The following CACNG3 variants were observed in gnomAD, a reference collection of about 807,000 sequenced individuals.
The protein encoded by CACNG3 is calcium voltage-gated channel auxiliary subunit gamma 3.
In CACNG3, 3 loss-of-function variants were observed where a neutral mutation model predicts 28.5. The observed-to-expected ratio is 0.11, with a 90% CI of 0.05 to 0.27. The LOEUF (loss-of-function observed/expected upper bound fraction) is 0.27, where lower values mean the gene tolerates loss of function less well. Ranked by LOEUF, CACNG3 falls within the 10% of genes least tolerant of loss-of-function variation. The pLI is 1.00. For synonymous variants in CACNG3, 174 were observed against 162.2 expected, an observed-to-expected ratio of 1.07 and a Z score of -0.55; for missense variants, 236 against 414.4, an observed-to-expected ratio of 0.57 and a Z score of 3.74.
At chr16:24,309,148 A>G (rs573338106) in intron 1 of CACNG3, among the ~76,000 whole-genome samples, 19 of 152,354 alleles carry the variant, frequency 1.2e-4, no homozygotes, top group South Asian at 8.3e-4. Context: ...TCCAATGCGC[A>G]CAAAGTTAAG....
intron 1 of CACNG3, among the ~76,000 whole-genome samples, chr16:24,312,165 G>T (rs1899272714): frequency 6.6e-6 from 1 of 152,160 alleles, no homozygotes; most frequent in African/African-American, 2.4e-5. Context: ...CGGTGGGGAA[G>T]CTGCAGGTCT....
chr16:24,321,963 T>C (rs1281860602), intron 1 of CACNG3, among the ~76,000 whole-genome samples: 1 of 152,210 alleles, frequency 6.6e-6, no homozygotes, highest in South Asian at 2.1e-4. Context: ...GTTTCAGACA[T>C]CCACTGGGGG....
intron 1 of CACNG3, among the ~76,000 whole-genome samples, chr16:24,282,357 C>A (rs990512654): frequency 2.0e-5 from 3 of 151,910 alleles, no homozygotes; most frequent in African/African-American, 7.3e-5. Flanking sequence ...TTATTGCGGG[C>A]TAATCCTCCA....
chr16:24,272,172 C>A (rs892148972), intron 1 of CACNG3, among the ~76,000 whole-genome samples: 2 of 149,866 alleles, frequency 1.3e-5, no homozygotes, highest in Non-Finnish European at 3.0e-5. Flanking sequence ...TATATTCTTT[C>A]GAGTGGTATA....
intron 1 of CACNG3, among the ~76,000 whole-genome samples, chr16:24,314,937 C>T (rs7190328): frequency 0.29 from 43,285 of 151,556 alleles, 6,586 homozygotes; most frequent in African/African-American, 0.4. Flanking sequence ...ATCCCTTGGG[C>T]CACTGCATAA....
At chr16:24,319,499 G>C (rs778159446) in intron 1 of CACNG3, among the ~76,000 whole-genome samples, 5 of 152,192 alleles carry the variant, frequency 3.3e-5, no homozygotes, top group Non-Finnish European at 5.9e-5. Flanking sequence ...TGTCTCCCAG[G>C]CTGGAGTGCA....
intron 1 of CACNG3, among the ~76,000 whole-genome samples, chr16:24,327,438 GTA>G (rs1217768689): frequency 2.4e-4 from 31 of 127,856 alleles, no homozygotes; most frequent in Non-Finnish European, 3.2e-4. Context: ...GTGTGTGTGT[GTA>G]TATATATATA....
chr16:24,273,186 C>T (rs147196065), intron 1 of CACNG3, among the ~76,000 whole-genome samples: 1,598 of 152,336 alleles, frequency 0.01, 14 homozygotes, highest in Non-Finnish European at 0.015. Context: ...AGAGATACTG[C>T]TGTCTCCCCA....
In CACNG3 at chr16:24,268,436, C is replaced by T. The variant is rs183674128; in HGVS notation, c.211+11471C>T. Among the ~76,000 whole-genome samples the T allele has an allele frequency of 4.3e-3, 652 of 152,316 alleles. 4 individuals are homozygous for T. The highest frequency in any genetic ancestry group is 6.5e-3 in the Non-Finnish European group (442 of 68,030). On this transcript the variant is annotated intron_variant, in intron 1 of 3. Coordinates refer to ENST00000005284, the MANE Select transcript of CACNG3 (RefSeq NM_006539.4). ...GGCTGGTGGGTTGGGTCTCCTCCAA[C>T]CTGCTCAATCCTGTGTCAAGGAGAG...
chr16:24,284,070 G>T (rs545217606), intron 1 of CACNG3, among the ~76,000 whole-genome samples: 1 of 152,064 alleles, frequency 6.6e-6, no homozygotes, highest in African/African-American at 2.4e-5. Context: ...AATGTCTTTC[G>T]TATTGGCCTT....
rs137878759 is a variant in CACNG3 at position 24,340,393 on chromosome 16, G to A, written c.212-6341G>A. Among the ~76,000 whole-genome samples the A allele has an allele frequency of 5.8e-3, 875 of 152,134 alleles. 3 individuals are homozygous for A. The highest frequency in any genetic ancestry group is 8.7e-3 in the Non-Finnish European group (593 of 67,998). Reference sequence around the variant, plus strand: ...AGACTGGGCAACAGAGCGAGACCCCGTCTCAAAATAAATAAATAAAATAAT... The same window carrying A: ...AGACTGGGCAACAGAGCGAGACCCCATCTCAAAATAAATAAATAAAATAAT... On this transcript the variant is annotated intron_variant, in intron 1 of 3. Coordinates refer to ENST00000005284, the MANE Select transcript of CACNG3 (RefSeq NM_006539.4).
In CACNG3 at chr16:24,354,964, G is replaced by A. The variant is rs1157555773; in HGVS notation, c.427G>A (p.Val143Ile). The change falls in exon 3 of 4, where the codon GTC (valine) becomes ATC (isoleucine). Residue 143 changes from valine to isoleucine, a missense_variant. This residue lies in a region of CACNG3 where 120 missense variants were observed against 263.4 expected (regional missense o/e 0.46). Coordinates refer to ENST00000005284, the MANE Select transcript of CACNG3 (RefSeq NM_006539.4). The part of the protein sequence containing the change: ...NVILSAGIFF[V>I]SAGLSNIIGI... ...CATTCTCAGCGCGGGCATCTTTTTT[G>A]TCTCTGCAGGTGAGTGTCTGGCCCC... 4 of 1,612,804 alleles carry A rather than the reference G, an allele frequency of 2.5e-6. No individual in the cohort carries two copies. The highest frequency in any genetic ancestry group is 3.4e-6 in the Non-Finnish European group (4 of 1,179,906).
chr16:24,310,689 C>T (rs1240427996), intron 1 of CACNG3, among the ~76,000 whole-genome samples: 1 of 152,072 alleles, frequency 6.6e-6, no homozygotes, highest in African/African-American at 2.4e-5. Context: ...TGTTGTTAAC[C>T]CCATTTTACA....
intron 1 of CACNG3, among the ~76,000 whole-genome samples, chr16:24,325,775 T>C (rs1395534784): frequency 2.6e-5 from 4 of 152,236 alleles, no homozygotes; most frequent in Non-Finnish European, 5.9e-5. Context: ...GAGGCAAAGC[T>C]GGGACTGGGA....
intron 1 of CACNG3, among the ~76,000 whole-genome samples, chr16:24,326,009 T>G (rs1307886080): frequency 6.6e-6 from 1 of 152,232 alleles, no homozygotes; most frequent in African/African-American, 2.4e-5. Flanking sequence ...AAGATTCAGA[T>G]GGTCAACACC....
intron 1 of CACNG3, among the ~76,000 whole-genome samples, chr16:24,299,985 A>T (rs546441801): frequency 6.6e-6 from 1 of 152,276 alleles, no homozygotes; most frequent in Non-Finnish European, 1.5e-5. Flanking sequence ...GTATTTTAAC[A>T]TAACATTTCT....
chr16:24,266,566 G>C (rs907020325), intron 1 of CACNG3, among the ~76,000 whole-genome samples: 2 of 152,182 alleles, frequency 1.3e-5, no homozygotes, highest in Non-Finnish European at 2.9e-5. Context: ...ACCCTAAGTA[G>C]CACTAACATT....
chr16:24,274,279 C>G (rs1478463114), intron 1 of CACNG3, among the ~76,000 whole-genome samples: 1 of 151,886 alleles, frequency 6.6e-6, no homozygotes, highest in Non-Finnish European at 1.5e-5. Context: ...CTGTGCAACT[C>G]TGACACATTA....
At chr16:24,280,840 A>AAAAAAAAAAAAAAC in intron 1 of CACNG3, among the ~76,000 whole-genome samples, 2 of 151,184 alleles carry the variant, frequency 1.3e-5, no homozygotes, top group Non-Finnish European at 3.0e-5. Flanking sequence ...AAAAAAAAAA[A>AAAAAAAAAAAAAAC]AAAAAGACCA....
Sources: gnomAD v4.1 joint callset for allele counts (sites outside exome capture counted in the v4.1 genomes callset) on GRCh38, gnomAD v4.1.1 for gene constraint, gnomAD v4.1.1 regional missense constraint, MANE v1.5 for transcripts, NCBI Gene and HGNC (gene_info 2026-07-23, HGNC 2026-07-21) for gene names.